The following KCNIP1 variants were observed in gnomAD, a reference collection of about 807,000 sequenced individuals.
KCNIP1 encodes the protein A-type potassium channel modulatory protein KCNIP1.
A neutral mutation model predicts 33.0 loss-of-function variants in KCNIP1; 18 were observed. The ratio of observed to expected loss-of-function variants is 0.55; its 90% CI spans 0.38 to 0.81. The LOEUF is 0.81. Among genes scored for constraint, KCNIP1 ranks in the 30% least tolerant of loss-of-function variants. KCNIP1 has a pLI of 0.00. For missense variants in KCNIP1, 238 were observed against 271.6 expected (o/e 0.88, Z 0.87); for synonymous variants, 93 against 98.3 (o/e 0.95, Z 0.32).
At chr5:170,612,425 G>A (rs964038381) in intron 1 of KCNIP1, among the ~76,000 whole-genome samples, 9 of 152,224 alleles carry the variant, frequency 5.9e-5, no homozygotes, top group Admixed American at 1.3e-4. Context: ...CTCTCCTGGC[G>A]GCTCCCTTTC....
intron 1 of KCNIP1, among the ~76,000 whole-genome samples, chr5:170,404,312 A>T (rs1366319355): frequency 6.6e-6 from 1 of 151,488 alleles, no homozygotes; most frequent in African/African-American, 2.4e-5. Context: ...TTTTTCCAAG[A>T]TTTTTTTTTC....
intron 1 of KCNIP1, among the ~76,000 whole-genome samples, chr5:170,580,241 C>T (rs905673009): frequency 6.6e-6 from 1 of 152,174 alleles, no homozygotes; most frequent in African/African-American, 2.4e-5. Flanking sequence ...GAGATCTTTG[C>T]TTTCTTAGAA....
intron 1 of KCNIP1, among the ~76,000 whole-genome samples, chr5:170,509,319 A>G (rs898059588): frequency 2.0e-5 from 3 of 152,192 alleles, no homozygotes; most frequent in Non-Finnish European, 2.9e-5. Flanking sequence ...TGGTCCCTCA[A>G]TCCCAGAAGA....
At chr5:170,674,997 A>G (rs1762074909) in intron 1 of KCNIP1, among the ~76,000 whole-genome samples, 1 of 151,076 alleles carries the variant, frequency 6.6e-6, no homozygotes, top group Admixed American at 6.6e-5. Context: ...TTAACCTTTC[A>G]GCATCTGTCT....
chr5:170,647,663 C>T (rs1760838446), intron 1 of KCNIP1, among the ~76,000 whole-genome samples: 1 of 150,780 alleles, frequency 6.6e-6, no homozygotes, highest in Non-Finnish European at 1.5e-5. Context: ...AGACACAAAA[C>T]TATAAAACTC....
At chr5:170,475,275 T>G (rs1407415272) in intron 1 of KCNIP1, among the ~76,000 whole-genome samples, 1 of 152,248 alleles carries the variant, frequency 6.6e-6, no homozygotes, top group Non-Finnish European at 1.5e-5. Flanking sequence ...CTTTTTTATT[T>G]CATTGCTTGG....
At chr5:170,694,731 C>G (rs558444321) in intron 1 of KCNIP1, among the ~76,000 whole-genome samples, 54 of 152,180 alleles carry the variant, frequency 3.5e-4, no homozygotes, top group Non-Finnish European at 6.5e-4. Flanking sequence ...CCCAGAATCA[C>G]AAAGCATGCC....
At chr5:170,379,351 C>A (rs1219566034) in intron 1 of KCNIP1, among the ~76,000 whole-genome samples, 1 of 152,148 alleles carries the variant, frequency 6.6e-6, no homozygotes, top group East Asian at 1.9e-4. Flanking sequence ...GAAAGAAGGA[C>A]TTCACACAGA....
chr5:170,712,670 G>T (rs1375856232), intron 1 of KCNIP1, among the ~76,000 whole-genome samples: 1 of 152,270 alleles, frequency 6.6e-6, no homozygotes, highest in Non-Finnish European at 1.5e-5. Flanking sequence ...CACTGCTCTT[G>T]CCTGTTCTGA....
intron 1 of KCNIP1, among the ~76,000 whole-genome samples, chr5:170,572,402 G>A (rs7735198): frequency 0.31 from 46,572 of 152,028 alleles, 7,314 homozygotes; most frequent in Middle Eastern, 0.45. Context: ...GGAATGCACC[G>A]AATGGCTGGG....
At chr5:170,368,755 C>T (rs554452778) in intron 1 of KCNIP1, among the ~76,000 whole-genome samples, 93 of 152,332 alleles carry the variant, frequency 6.1e-4, no homozygotes, top group African/African-American at 2.0e-3. Context: ...CAATACACCC[C>T]GAACTACCAG....
At chr5:170,456,281 G>A (rs1756372181) in intron 1 of KCNIP1, among the ~76,000 whole-genome samples, 1 of 152,010 alleles carries the variant, frequency 6.6e-6, no homozygotes, top group South Asian at 2.1e-4. Flanking sequence ...GACACAGGGA[G>A]GGGAACATCA....
intron 1 of KCNIP1, chr5:170,483,206 G>A (rs556994506): frequency 2.6e-6 from 1 of 386,830 alleles, no homozygotes; most frequent in South Asian, 1.9e-5. Context: ...GTAACTATGA[G>A]GCAAGAGGAA....
intron 1 of KCNIP1, among the ~76,000 whole-genome samples, chr5:170,621,020 A>G (rs1189515044): frequency 6.6e-6 from 1 of 152,132 alleles, no homozygotes; most frequent in African/African-American, 2.4e-5. Flanking sequence ...TGTGGCAGGG[A>G]AGCTGGAGAA....
intron 1 of KCNIP1, among the ~76,000 whole-genome samples, chr5:170,674,003 C>A (rs1422543109): frequency 1.3e-5 from 2 of 152,062 alleles, no homozygotes; most frequent in Admixed American, 6.5e-5. Flanking sequence ...AATGCTAAAG[C>A]AGGTTGTCTC....
chr5:170,721,667 C>T, intron 3 of KCNIP1, 166 bp from the exon 4 acceptor site: 1 of 1,471,178 alleles, frequency 6.8e-7, no homozygotes, highest in Non-Finnish European at 9.3e-7. Context: ...AACTTCACAC[C>T]CAAACCCAAA....
At chr5:170,604,139 T>G (rs893768626) in intron 1 of KCNIP1, among the ~76,000 whole-genome samples, 2 of 152,088 alleles carry the variant, frequency 1.3e-5, no homozygotes, top group Non-Finnish European at 2.9e-5. Flanking sequence ...TGCAGGTGTC[T>G]GACTTGCCCA....
At chr5:170,707,691 A>C (rs1763306363) in intron 1 of KCNIP1, among the ~76,000 whole-genome samples, 1 of 152,180 alleles carries the variant, frequency 6.6e-6, no homozygotes, top group African/African-American at 2.4e-5. Flanking sequence ...CCATTTGGAG[A>C]GAAAGATCTG....
chr5:170,681,344 C>T, intron 1 of KCNIP1: 1 of 381,578 alleles, frequency 2.6e-6, no homozygotes, highest in Non-Finnish European at 4.6e-6. Flanking sequence ...CCAGTCGCGC[C>T]CCAGTGCTGC....
Sources: gnomAD v4.1 joint callset for allele counts (sites outside exome capture counted in the v4.1 genomes callset) on GRCh38, gnomAD v4.1.1 for gene constraint, MANE v1.5 for transcripts, NCBI Gene and HGNC (gene_info 2026-07-23, HGNC 2026-07-21) for gene names.